The following UGP2 variants were observed in gnomAD, a reference collection of about 807,000 sequenced individuals.
UGP2 encodes UDP-glucose pyrophosphorylase 2.
A neutral mutation model predicts 49.0 loss-of-function variants in UGP2; 40 were observed. That is an observed-to-expected ratio of 0.82 (90% confidence interval 0.63 to 1.06). UGP2 has a LOEUF of 1.06. Ranked by LOEUF, UGP2 falls within the 50% of genes least tolerant of loss-of-function variation. The pLI, the probability that UGP2 is intolerant of heterozygous loss-of-function variation, is 0.00. For synonymous variants in UGP2, 225 were observed against 213.0 expected (o/e 1.06, Z -0.49); for missense variants, 460 against 603.5 (o/e 0.76, Z 2.49).
In UGP2 at chr2:63,873,961, C is replaced by T. The variant is rs2104329286; in HGVS notation, c.256-8505C>T. Among the ~76,000 whole-genome samples, 3 of 152,322 alleles carry T rather than the reference C, an allele frequency of 2.0e-5. 1 individual carries two copies. Among genetic ancestry groups the T allele is most frequent in the Admixed American group, 2.0e-4 (3 of 15,302 alleles). On this transcript the variant is annotated intron_variant, in intron 3 of 9. Transcript: ENST00000337130. ...GTCCAGATGGCCACCAGAATGAACACTATTCATCATGCCTCTAGTCCAAAC... is the reference window on the plus strand; with the variant it reads ...GTCCAGATGGCCACCAGAATGAACATTATTCATCATGCCTCTAGTCCAAAC...
intron 8 of UGP2, chr2:63,887,872 G>A: frequency 3.6e-6 from 2 of 553,044 alleles, no homozygotes; most frequent in Non-Finnish European, 6.0e-6. Flanking sequence ...AAATTTTGGG[G>A]CATTTTATCT....
chr2:63,844,868 A>G (rs1233699042), intron 1 of UGP2, among the ~76,000 whole-genome samples: 2 of 152,170 alleles, frequency 1.3e-5, no homozygotes, highest in African/African-American at 4.8e-5. Flanking sequence ...CAGCACTGAA[A>G]TTCTTACATG....
chr2:63,878,460 A>T (rs1181223644), intron 3 of UGP2, among the ~76,000 whole-genome samples: 1 of 152,256 alleles, frequency 6.6e-6, no homozygotes, highest in African/African-American at 2.4e-5. Context: ...ACACTTAAAA[A>T]AGGCTCTGAT....
At chr2:63,842,450 G>A (rs1671630937) in intron 1 of UGP2, 3 of 1,548,320 alleles carry the variant, frequency 1.9e-6, no homozygotes, top group Non-Finnish European at 2.6e-6. Context: ...TAGTAGTACC[G>A]TCGCTTTCCT....
chr2:63,867,822 G>A (rs889292238), intron 3 of UGP2, among the ~76,000 whole-genome samples: 1 of 152,086 alleles, frequency 6.6e-6, no homozygotes, highest in Non-Finnish European at 1.5e-5. Context: ...CAAATGTGTT[G>A]TTAGTCTGCA....
At chr2:63,871,710 G>A (rs1670565450) in intron 3 of UGP2, among the ~76,000 whole-genome samples, 1 of 152,186 alleles carries the variant, frequency 6.6e-6, no homozygotes, top group Admixed American at 6.5e-5. Context: ...AAAAGCCTAG[G>A]GGGTTGTTTA....
Position 63,887,460 on chromosome 2 carries a change from A to G in UGP2, c.1130A>G (p.Lys377Arg), listed in dbSNP as rs763775247. The G allele has an allele frequency of 6.2e-7, 1 of 1,614,046 alleles. No individual in the cohort carries two copies. Among genetic ancestry groups the G allele is most frequent in the Admixed American group, 1.7e-5 (1 of 59,998 alleles). Reference protein sequence around the residue: ...QLETAVGAAIKSFENSLGINV... With the variant: ...QLETAVGAAIRSFENSLGINV... ...GAAACTGCAGTAGGGGCTGCCATCAAAAGTTTTGAGAATTCTCTAGGTATT... is the reference window on the plus strand; with the variant it reads ...GAAACTGCAGTAGGGGCTGCCATCAGAAGTTTTGAGAATTCTCTAGGTATT... The change falls in exon 8 of 10, where the codon AAA becomes AGA. Residue 377 changes from lysine to arginine, a missense_variant. Lys to Arg is a conservative substitution (Grantham distance 26). This residue lies in a region of UGP2 where 317 missense variants were observed against 473.0 expected (regional missense o/e 0.67). Coordinates refer to ENST00000337130, the MANE Select transcript of UGP2 (RefSeq NM_006759.4).
At chr2:63,870,353 A>G (rs927159738) in intron 3 of UGP2, among the ~76,000 whole-genome samples, 1 of 152,134 alleles carries the variant, frequency 6.6e-6, no homozygotes, top group Admixed American at 6.5e-5. Context: ...TTCTTAGGAA[A>G]TTTGCTTTTC....
chr2:63,890,223 TAC>T (rs1377689448), intron 9 of UGP2, 38 bp downstream of exon 9: 4 of 1,457,850 alleles, frequency 2.7e-6, no homozygotes, highest in Non-Finnish European at 3.8e-6. Flanking sequence ...TCTTACAGCT[TAC>T]AATATAGGTC....
intron 4 of UGP2, chr2:63,882,879 G>T: frequency 3.5e-6 from 1 of 287,392 alleles, no homozygotes; most frequent in Non-Finnish European, 6.3e-6. Flanking sequence ...GAAATCTCTG[G>T]GTCTGTTGAG....
intron 3 of UGP2, among the ~76,000 whole-genome samples, chr2:63,862,532 T>G (rs1669920249): frequency 6.6e-6 from 1 of 152,158 alleles, no homozygotes. Context: ...ACTGGTTACA[T>G]GTCTATAATT....
At chr2:63,869,339 CAT>C (rs769517740) in intron 3 of UGP2, among the ~76,000 whole-genome samples, 3 of 152,198 alleles carry the variant, frequency 2.0e-5, no homozygotes, top group African/African-American at 4.8e-5. Flanking sequence ...CACTTTAAAA[CAT>C]ATTTGCCAGT....
intron 3 of UGP2, among the ~76,000 whole-genome samples, chr2:63,858,355 T>G (rs1315053447): frequency 2.0e-5 from 3 of 152,232 alleles, no homozygotes; most frequent in Non-Finnish European, 4.4e-5. Context: ...ACAGCTTCAC[T>G]CATTAATTTA....
intron 3 of UGP2, among the ~76,000 whole-genome samples, chr2:63,872,136 C>T (rs1670597847): frequency 6.6e-6 from 1 of 152,240 alleles, no homozygotes; most frequent in South Asian, 2.1e-4. Context: ...TCAGGCTACA[C>T]ATGACTGGAG....
At chr2:63,891,049 CTT>C in intron 9 of UGP2, 69 bp from the exon 10 acceptor site, 2 of 1,219,758 alleles carry the variant, frequency 1.6e-6, no homozygotes, top group Non-Finnish European at 2.3e-6. Flanking sequence ...TGTACATAAA[CTT>C]GATCACTGTA....
At chr2:63,856,821 C>CA (rs1464354881) in intron 2 of UGP2, 1 of 458,752 alleles carries the variant, frequency 2.2e-6, no homozygotes, top group Non-Finnish European at 4.4e-6. Flanking sequence ...GCTACTTTGA[C>CA]AATTGTCATA....
chr2:63,868,185 A>C (rs563715983), intron 3 of UGP2, among the ~76,000 whole-genome samples: 14 of 152,298 alleles, frequency 9.2e-5, no homozygotes, highest in Non-Finnish European at 1.5e-4. Flanking sequence ...ACCCGTTTTC[A>C]TATTGTATGG....
intron 8 of UGP2, 38 bp downstream of exon 8, chr2:63,887,682 A>G: frequency 6.2e-7 from 1 of 1,604,936 alleles, no homozygotes; most frequent in Non-Finnish European, 8.5e-7. Flanking sequence ...CATATTTCTT[A>G]AATGTGTAAT....
intron 3 of UGP2, among the ~76,000 whole-genome samples, chr2:63,863,747 G>T (rs1294999135): frequency 6.6e-6 from 1 of 152,124 alleles, no homozygotes; most frequent in Non-Finnish European, 1.5e-5. Flanking sequence ...TCAAAGGAAG[G>T]ACAAGGTAAT....
Sources: allele counts gnomAD v4.1 joint callset (sites outside exome capture counted in the v4.1 genomes callset), GRCh38; gene constraint gnomAD v4.1.1; regional missense constraint gnomAD v4.1.1; transcripts MANE v1.5; gene names NCBI Gene and HGNC (gene_info 2026-07-23, HGNC 2026-07-21).